Variants in KCNAB1 observed in about 807,000 individuals in gnomAD.
KCNAB1 encodes the protein potassium voltage-gated channel subfamily A regulatory beta subunit 1.
KCNAB1 carries 35 observed loss-of-function variants against 64.6 expected under a neutral mutation model. That is an observed-to-expected ratio of 0.54 (90% confidence interval 0.41 to 0.72). The LOEUF is 0.72. KCNAB1 is among the 30% of genes least tolerant of loss of function. The probability of loss-of-function intolerance (pLI) is 0.00; values close to 1 mark genes in which losing one functional copy is unlikely to be tolerated. For synonymous variants in KCNAB1, 177 were observed against 183.8 expected, an observed-to-expected ratio of 0.96 and a Z score of 0.30; for missense variants, 401 against 512.9, an observed-to-expected ratio of 0.78 and a Z score of 2.11.
chr3:156,310,499 T>C (rs1721815914), intron 1 of KCNAB1, among the ~76,000 whole-genome samples: 1 of 152,076 alleles, frequency 6.6e-6, no homozygotes, highest in Non-Finnish European at 1.5e-5. Flanking sequence ...CCAGAGGAGT[T>C]GATAAGAAGC....
intron 2 of KCNAB1, among the ~76,000 whole-genome samples, chr3:156,432,830 A>C (rs1716319629): frequency 6.6e-6 from 1 of 152,080 alleles, no homozygotes; most frequent in African/African-American, 2.4e-5. Context: ...TGGTCCTGAG[A>C]CATGTTGCTA....
intron 1 of KCNAB1, among the ~76,000 whole-genome samples, chr3:156,244,445 C>G (rs13327461): frequency 0.067 from 10,237 of 152,246 alleles, 1,185 homozygotes; most frequent in African/African-American, 0.24. Flanking sequence ...ACCAAAGTCC[C>G]TTTTTGCCAT....
At chr3:156,263,887 G>A (rs1718556196) in intron 1 of KCNAB1, among the ~76,000 whole-genome samples, 1 of 151,862 alleles carries the variant, frequency 6.6e-6, no homozygotes. Flanking sequence ...AGATAGGGAG[G>A]GCCAATTGCA....
At chr3:156,136,005 A>G (rs1348037825) in intron 1 of KCNAB1, among the ~76,000 whole-genome samples, 1 of 152,180 alleles carries the variant, frequency 6.6e-6, no homozygotes, top group Non-Finnish European at 1.5e-5. Context: ...ATCCCCATCC[A>G]TTTTGTACTC....
chr3:156,536,290 A>G (rs146188816), intron 13 of KCNAB1, among the ~76,000 whole-genome samples: 1 of 152,372 alleles, frequency 6.6e-6, no homozygotes, highest in African/African-American at 2.4e-5. Flanking sequence ...TATTGATTAC[A>G]TGTTGAAATA....
intron 1 of KCNAB1, among the ~76,000 whole-genome samples, chr3:156,327,400 C>T (rs148196074): frequency 8.2e-4 from 125 of 152,112 alleles, no homozygotes; most frequent in African/African-American, 2.9e-3. Flanking sequence ...TGAGATAGAT[C>T]AGGATATATT....
At chr3:156,505,501 G>A (rs150864841) in intron 8 of KCNAB1, among the ~76,000 whole-genome samples, 8 of 152,162 alleles carry the variant, frequency 5.3e-5, no homozygotes, top group Admixed American at 1.3e-4. Flanking sequence ...TAGTATAGTC[G>A]TTTTAACAGT....
intron 1 of KCNAB1, among the ~76,000 whole-genome samples, chr3:156,200,662 C>G (rs1714270823): frequency 6.6e-6 from 1 of 152,182 alleles, no homozygotes; most frequent in South Asian, 2.1e-4. Context: ...CCCCTCCCCT[C>G]ACCAAGCTCG....
intron 1 of KCNAB1, among the ~76,000 whole-genome samples, chr3:156,255,580 T>G (rs1300725436): frequency 6.6e-6 from 1 of 152,302 alleles, no homozygotes. Context: ...TGCCCCACAC[T>G]GCCTGCTGTG....
At chr3:156,132,407 C>A (rs370047773) in intron 1 of KCNAB1, among the ~76,000 whole-genome samples, 2 of 152,352 alleles carry the variant, frequency 1.3e-5, no homozygotes, top group African/African-American at 4.8e-5. Context: ...CTATGAGCAT[C>A]AGCTCTCATT....
chr3:156,276,632 C>T (rs1719362269), intron 1 of KCNAB1, among the ~76,000 whole-genome samples: 1 of 152,124 alleles, frequency 6.6e-6, no homozygotes, highest in African/African-American at 2.4e-5. Flanking sequence ...ACTGCTTCAC[C>T]TTGCACTTTT....
chr3:156,297,881 C>T (rs557206937), intron 1 of KCNAB1, among the ~76,000 whole-genome samples: 69 of 152,054 alleles, frequency 4.5e-4, no homozygotes, highest in Non-Finnish European at 9.0e-4. Flanking sequence ...AGCTCTGTGG[C>T]TGTGTTTCAA....
chr3:156,224,040 C>T (rs531464488), intron 1 of KCNAB1, among the ~76,000 whole-genome samples: 19 of 152,352 alleles, frequency 1.2e-4, no homozygotes, highest in Admixed American at 3.9e-4. Context: ...TCAGGCATGG[C>T]GGGCTGCATG....
At chr3:156,137,587 C>A (rs180771417) in intron 1 of KCNAB1, among the ~76,000 whole-genome samples, 198 of 150,886 alleles carry the variant, frequency 1.3e-3, no homozygotes, top group Non-Finnish European at 2.3e-3. Context: ...TTTGCTCTAT[C>A]ACCCAGGCTG....
intron 1 of KCNAB1, among the ~76,000 whole-genome samples, chr3:156,362,265 T>TGACGTGATTATTATTGTAATGAGAAA (rs1725662876): frequency 6.6e-6 from 1 of 152,256 alleles, no homozygotes; most frequent in Admixed American, 6.5e-5. Flanking sequence ...ATTTCTAGAA[T>TGACGTGATTATTATTGTAATGAGAAA]GACGTGATTA....
intron 1 of KCNAB1, among the ~76,000 whole-genome samples, chr3:156,198,682 G>A (rs1157489371): frequency 2.2e-4 from 30 of 137,250 alleles, no homozygotes; most frequent in African/African-American, 8.0e-4. Flanking sequence ...TTTATTTTGA[G>A]CCTATGTGTG....
intron 11 of KCNAB1, among the ~76,000 whole-genome samples, chr3:156,518,890 A>G (rs1219388244): frequency 6.6e-6 from 1 of 151,952 alleles, no homozygotes; most frequent in Non-Finnish European, 1.5e-5. Context: ...GGCATCAGTC[A>G]TGCCTAATGG....
At chr3:156,423,342 C>G (rs1406926015) in intron 2 of KCNAB1, among the ~76,000 whole-genome samples, 2 of 152,106 alleles carry the variant, frequency 1.3e-5, no homozygotes, top group Non-Finnish European at 2.9e-5. Context: ...GAGAAGCACA[C>G]AAGGAGACAG....
chr3:156,492,931 A>G (rs984951387), intron 8 of KCNAB1, among the ~76,000 whole-genome samples: 9 of 152,140 alleles, frequency 5.9e-5, no homozygotes, highest in African/African-American at 1.9e-4. Context: ...GAAAGAGTTC[A>G]AGGGACTGCT....
Sources: allele counts gnomAD v4.1 joint callset (sites outside exome capture counted in the v4.1 genomes callset), GRCh38; gene constraint gnomAD v4.1.1; transcripts MANE v1.5; gene names NCBI Gene and HGNC (gene_info 2026-07-23, HGNC 2026-07-21).